PLXDC2: variants seen among roughly 807,000 people sequenced by gnomAD.
The protein encoded by PLXDC2 is plexin domain containing 2.
Under a neutral mutation model 68.9 loss-of-function variants are expected in PLXDC2, and 40 were observed. The observed-to-expected ratio is 0.58, with a 90% CI of 0.45 to 0.76. The LOEUF (loss-of-function observed/expected upper bound fraction) is 0.76. Among genes scored for constraint, PLXDC2 ranks in the 30% least tolerant of loss-of-function variants. The pLI is 0.00. For synonymous variants in PLXDC2, 243 were observed against 234.2 expected (o/e 1.04, Z -0.34); for missense variants, 644 against 661.9 (o/e 0.97, Z 0.30).
chr10:19,914,550 G>C (rs567827442), intron 1 of PLXDC2, among the ~76,000 whole-genome samples: 1 of 152,296 alleles, frequency 6.6e-6, no homozygotes, highest in African/African-American at 2.4e-5. Context: ...TTACTTCAAG[G>C]ATTTCTTAGG....
intron 1 of PLXDC2, among the ~76,000 whole-genome samples, chr10:19,895,505 T>A (rs1297686172): frequency 2.0e-5 from 3 of 152,222 alleles, no homozygotes; most frequent in Non-Finnish European, 4.4e-5. Context: ...ATGTTATCAT[T>A]TCCTTGGGTA....
At chr10:20,071,608 C>T (rs1245608639) in intron 4 of PLXDC2, among the ~76,000 whole-genome samples, 1 of 152,162 alleles carries the variant, frequency 6.6e-6, no homozygotes, top group Non-Finnish European at 1.5e-5. Context: ...ATTGTGAGGC[C>T]TCCCCAGCCA....
chr10:20,178,671 A>AT (rs1834561732), intron 9 of PLXDC2, among the ~76,000 whole-genome samples: 1 of 152,138 alleles, frequency 6.6e-6, no homozygotes, highest in African/African-American at 2.4e-5. Context: ...TTTAAAACTT[A>AT]TTGAAGAATG....
chr10:20,210,820 C>T (rs1835059860), intron 9 of PLXDC2, among the ~76,000 whole-genome samples: 1 of 152,178 alleles, frequency 6.6e-6, no homozygotes, highest in Non-Finnish European at 1.5e-5. Context: ...TCCCCAATAA[C>T]AATGTGCAAT....
At chr10:20,243,095 A>C (rs1835539394) in intron 12 of PLXDC2, among the ~76,000 whole-genome samples, 1 of 152,196 alleles carries the variant, frequency 6.6e-6, no homozygotes. Context: ...ATTTCCTAGA[A>C]GAACTCACAA....
chr10:19,877,256 GGA>G (rs771665642), intron 1 of PLXDC2, among the ~76,000 whole-genome samples: 1 of 151,624 alleles, frequency 6.6e-6, no homozygotes, highest in African/African-American at 2.4e-5. Flanking sequence ...GGGGAGAGAG[GGA>G]GAGAGAGAAT....
chr10:20,054,244 G>A (rs1564298030), intron 3 of PLXDC2, among the ~76,000 whole-genome samples: 1 of 151,942 alleles, frequency 6.6e-6, no homozygotes, highest in African/African-American at 2.4e-5. Flanking sequence ...GCAAGGGTGG[G>A]GGATGAAGGT....
intron 9 of PLXDC2, among the ~76,000 whole-genome samples, chr10:20,207,884 T>C (rs1369999945): frequency 6.6e-6 from 1 of 152,128 alleles, no homozygotes; most frequent in African/African-American, 2.4e-5. Context: ...GTCTTCTGTG[T>C]TGACAGGAGG....
chr10:19,892,223 G>A (rs537467176), intron 1 of PLXDC2, among the ~76,000 whole-genome samples: 1 of 152,230 alleles, frequency 6.6e-6, no homozygotes, highest in East Asian at 1.9e-4. Flanking sequence ...AGGGCTCTTA[G>A]TGAATTCTTA....
chr10:19,824,869 A>G (rs1836541465), intron 1 of PLXDC2, among the ~76,000 whole-genome samples: 1 of 152,160 alleles, frequency 6.6e-6, no homozygotes, highest in East Asian at 1.9e-4. Flanking sequence ...GATGGTATAG[A>G]TTTGTATATT....
At chr10:20,263,914 G>A (rs1374659864) in intron 13 of PLXDC2, among the ~76,000 whole-genome samples, 1 of 151,894 alleles carries the variant, frequency 6.6e-6, no homozygotes, top group African/African-American at 2.4e-5. Context: ...TACTCAAAGA[G>A]CTAAAAGCAG....
chr10:19,936,938 A>G (rs1243751253), intron 1 of PLXDC2, among the ~76,000 whole-genome samples: 1 of 152,196 alleles, frequency 6.6e-6, no homozygotes, highest in Non-Finnish European at 1.5e-5. Context: ...TGGTCTTCTA[A>G]AATATTCCAG....
chr10:20,058,644 G>T (rs1836045091), intron 3 of PLXDC2, among the ~76,000 whole-genome samples: 1 of 152,170 alleles, frequency 6.6e-6, no homozygotes, highest in Admixed American at 6.6e-5. Flanking sequence ...CTGAAAGGCA[G>T]ATTGTTAGCA....
chr10:20,258,100 C>A (rs59272003), intron 13 of PLXDC2, among the ~76,000 whole-genome samples: 38,692 of 145,770 alleles, frequency 0.27, 5,314 homozygotes, highest in African/African-American at 0.36. Flanking sequence ...CTCCCGAGTT[C>A]AAGCAATTCT....
At chr10:19,960,285 G>A (rs1253266366) in intron 1 of PLXDC2, among the ~76,000 whole-genome samples, 3 of 151,626 alleles carry the variant, frequency 2.0e-5, no homozygotes, top group Admixed American at 1.3e-4. Flanking sequence ...TATTGCTTGA[G>A]TCCTGGAGTT....
chr10:20,128,099 C>G (rs1352656717), intron 4 of PLXDC2, among the ~76,000 whole-genome samples: 1 of 152,140 alleles, frequency 6.6e-6, no homozygotes, highest in Non-Finnish European at 1.5e-5. Flanking sequence ...GGCTGCCCTG[C>G]AGGGAGCATG....
intron 13 of PLXDC2, 125 bp from the exon 14 acceptor site, chr10:20,279,575 TATA>T (rs1212984676): frequency 7.3e-5 from 53 of 721,816 alleles, no homozygotes; most frequent in Non-Finnish European, 4.7e-6. Flanking sequence ...TGACTGTAGC[TATA>T]ATAAGAGATA....
At chr10:20,239,210 G>A (rs1261535756) in intron 12 of PLXDC2, among the ~76,000 whole-genome samples, 1 of 152,164 alleles carries the variant, frequency 6.6e-6, no homozygotes, top group Non-Finnish European at 1.5e-5. Flanking sequence ...TTTTGGACAT[G>A]AGTGAAAGCT....
At position 20,137,840 on chromosome 10, in the gene PLXDC2, A is replaced by G. The variant is rs575642512; in HGVS notation, c.542-5455A>G. Among the ~76,000 whole-genome samples the G allele has an allele frequency of 4.6e-5, 7 of 152,124 alleles. No individual in the cohort carries two copies. In the East Asian group the frequency reaches 1.4e-3, roughly 29 times the overall value. The stretch of plus-strand genomic sequence containing the variant: ...TTTCTGGGTACTTCGGTTTCCTCCC[A>G]CATTCCAAAGATGTGCACATCAGAT... On this transcript the variant is annotated intron_variant, in intron 4 of 13. Coordinates refer to ENST00000377252, the MANE Select transcript of PLXDC2 (RefSeq NM_032812.9).
Sources: allele counts gnomAD v4.1 joint callset (sites outside exome capture counted in the v4.1 genomes callset), GRCh38; gene constraint gnomAD v4.1.1; transcripts MANE v1.5; gene names NCBI Gene and HGNC (gene_info 2026-07-23, HGNC 2026-07-21).